AKAP5: variants seen among roughly 807,000 people sequenced by gnomAD.
AKAP5 encodes the protein A-kinase anchor protein 5.
AKAP5 carries 5 observed loss-of-function variants against 13.8 expected under a neutral mutation model. The observed-to-expected ratio is 0.36, with a 90% confidence interval of 0.19 to 0.76. AKAP5 has a LOEUF of 0.76. Among genes scored for constraint, AKAP5 ranks in the 30% least tolerant of loss-of-function variants. AKAP5 has a pLI of 0.51. For synonymous variants in AKAP5, 148 were observed against 167.2 expected (o/e 0.89, Z 0.89); for missense variants, 406 against 484.4 (o/e 0.84, Z 1.52).
Position 64,474,252 on chromosome 14 carries a change from T to C in AKAP5, c.*4574T>C, listed in dbSNP as rs2078701086. On this transcript the variant is annotated 3_prime_UTR_variant, in exon 2 of 2. Transcript: ENST00000394718. Reference sequence around the variant, plus strand: ...GTGTTCCGTTTTTAAATAAACAGTATGCTTATTTTGATTTGTGACTAGGTG... The same window carrying C: ...GTGTTCCGTTTTTAAATAAACAGTACGCTTATTTTGATTTGTGACTAGGTG... 1 of 167,100 alleles carries C rather than the reference T, an allele frequency of 6.0e-6. No individual in the cohort carries two copies. Among genetic ancestry groups the C allele is most frequent in the African/African-American group, 2.4e-5 (1 of 41,464 alleles). The allele number at this position is 167,100 out of a possible 1,614,324, so 10.4% of individuals were successfully genotyped here.
At chr14:64,466,555 AT>A (rs937957841) in intron 1 of AKAP5, among the ~76,000 whole-genome samples, 67 of 152,348 alleles carry the variant, frequency 4.4e-4, no homozygotes, top group African/African-American at 1.5e-3. Flanking sequence ...TCACTGAAAC[AT>A]TGTGAGGAGA....
At position 64,468,953 on chromosome 14, in the gene AKAP5, T is replaced by C. The variant is rs2078639406; in HGVS notation, c.559T>C (p.Ser187Pro). The C allele has an allele frequency of 6.2e-7, 1 of 1,614,216 alleles. No individual in the cohort carries two copies. Reference protein sequence around the residue: ...KSTQDLSEGISRKDGDEVCES... With the variant: ...KSTQDLSEGIPRKDGDEVCES... ...AACCCAGGATCTAAGTGAAGGCATC[T>C]CACGGAAAGATGGTGATGAGGTCTG... The change falls in exon 2 of 2, where the codon TCA (serine) becomes CCA (proline). Residue 187 changes from serine (S) to proline (P), a missense_variant. Ser to Pro is a moderately conservative substitution (Grantham distance 74, BLOSUM62 -1). Coordinates refer to ENST00000394718, the MANE Select transcript of AKAP5 (RefSeq NM_004857.3).
At position 64,468,666 on chromosome 14, in the gene AKAP5, G is replaced by T. The variant is rs1365704746; in HGVS notation, c.272G>T (p.Arg91Met). 5 of 1,613,878 alleles carry T rather than the reference G, an allele frequency of 3.1e-6. No homozygotes were observed. The highest frequency in any genetic ancestry group is 1.6e-4 in the Middle Eastern group (1 of 6,084). Residue 91 changes from arginine to methionine, a missense_variant, in exon 2 of 2, where the codon AGG (arginine) becomes ATG (methionine). Transcript: ENST00000394718. The part of the protein sequence containing the change: ...SLKRLVTRRK[R>M]SESSKQQKPL... ...AAACGTCTTGTAACACGCAGGAAAAGGTCAGAGTCTTCAAAGCAGCAAAAG... is the reference window on the plus strand; with the variant it reads ...AAACGTCTTGTAACACGCAGGAAAATGTCAGAGTCTTCAAAGCAGCAAAAG...
rs1233928311 is a variant in AKAP5 at position 64,471,524 on chromosome 14, T to C, written c.*1846T>C. 6.0e-6 allele frequency: 1 copy of C among 167,098 alleles called. No homozygotes were observed. Among genetic ancestry groups the C allele is most frequent in the South Asian group, 2.1e-4 (1 of 4,826 alleles). The allele number at this position is 167,098 out of a possible 1,614,324, so 10.4% of individuals were successfully genotyped here. ...CTTATTTGCATTTTTATTTACATATTGAAAGGGAAGCATCTGATCTCATCA... is the reference window on the plus strand; with the variant it reads ...CTTATTTGCATTTTTATTTACATATCGAAAGGGAAGCATCTGATCTCATCA... On this transcript the variant is annotated 3_prime_UTR_variant, in exon 2 of 2. Coordinates refer to ENST00000394718, the MANE Select transcript of AKAP5 (RefSeq NM_004857.3).
In AKAP5 at chr14:64,468,171, G is replaced by A; in HGVS notation, c.-224G>A. On this transcript the variant is annotated 5_prime_UTR_variant, in exon 2 of 2. Transcript: ENST00000394718. ...AAAGCAAAAATTTATCCAAAGAAGG[G>A]CTTTCATCAAGAAATTAAAGAGAGA... The A allele has an allele frequency of 3.0e-6, 1 of 327,920 alleles. No homozygotes were observed. Among genetic ancestry groups the A allele is most frequent in the Non-Finnish European group, 5.6e-6 (1 of 180,070 alleles). The allele number at this position is 327,920 out of a possible 1,614,324, so 20.3% of individuals were successfully genotyped here. A position where few individuals can be genotyped will look rare whatever the true frequency, so the allele number is the denominator to read the frequency against.
intron 1 of AKAP5, chr14:64,467,109 T>A (rs2078620243): frequency 6.6e-6 from 1 of 152,238 alleles, no homozygotes; most frequent in South Asian, 2.1e-4. Context: ...TTTTTTAATT[T>A]TTTTACTAAT....
chr14:64,469,476 A>C lies in AKAP5; in HGVS notation c.1082A>C (p.Gln361Pro). Residue 361 changes from glutamine (Q) to proline (P), a missense_variant, in exon 2 of 2, where the codon CAA becomes CCA. Coordinates refer to ENST00000394718, the MANE Select transcript of AKAP5 (RefSeq NM_004857.3). ...ACAAAATCTAAAAATGTCCCTAAGC[A>C]ATTCTTAATTTCAGCTGAAAATGAG... ...DVTKSKNVPK[Q>P]FLISAENEQV... 1 of 1,613,162 alleles carries C rather than the reference A, an allele frequency of 6.2e-7. No homozygotes were observed. Among genetic ancestry groups the C allele is most frequent in the Non-Finnish European group, 8.5e-7 (1 of 1,179,784 alleles).
At position 64,468,366 on chromosome 14, in the gene AKAP5, T is replaced by G. The variant is rs988068667; in HGVS notation, c.-29T>G. The G allele has an allele frequency of 6.5e-7, 1 of 1,550,038 alleles. No individual in the cohort carries two copies. Among genetic ancestry groups the G allele is most frequent in the Admixed American group, 2.1e-5 (1 of 47,646 alleles). On this transcript the variant is annotated 5_prime_UTR_variant, in exon 2 of 2. Transcript: ENST00000394718. ...GCTGCTAAGGAAGAGAGAATACAGT[T>G]TTCTAGAGAATAAGAGTGCAGTGTA...
At position 64,470,659 on chromosome 14, in the gene AKAP5, A is replaced by G. The variant is rs1156381913; in HGVS notation, c.*981A>G. On this transcript the variant is annotated 3_prime_UTR_variant, in exon 2 of 2. Transcript: ENST00000394718. ...ATCAGGCAAATTGTTACTAAGTGCA[A>G]AAGTGTAGAAACAGGGAGAGTGGGT... The G allele has an allele frequency of 6.0e-6, 1 of 166,784 alleles. No homozygotes were observed. Among genetic ancestry groups the G allele is most frequent in the Non-Finnish European group, 1.5e-5 (1 of 68,138 alleles). 10.3% of individuals were successfully genotyped at this position (166,784 alleles called of 1,614,324 possible).
In AKAP5 at chr14:64,468,654, C is replaced by T; in HGVS notation, c.260C>T (p.Thr87Ile). 6.2e-7 allele frequency: 1 copy of T among 1,613,970 alleles called. No individual in the cohort carries two copies. Among genetic ancestry groups the T allele is most frequent in the East Asian group, 2.2e-5 (1 of 44,888 alleles). The stretch of plus-strand genomic sequence containing the variant: ...TGGGCCTCACTCAAACGTCTTGTAA[C>T]ACGCAGGAAAAGGTCAGAGTCTTCA... Reference protein sequence around the residue: ...GAWASLKRLVTRRKRSESSKQ... With the variant: ...GAWASLKRLVIRRKRSESSKQ... Residue 87 changes from threonine to isoleucine, a missense_variant, in exon 2 of 2, where the codon ACA becomes ATA. Physicochemically the swap from Thr to Ile is moderately conservative, Grantham distance 89 (BLOSUM62 -1). Transcript: ENST00000394718.
Position 64,468,811 on chromosome 14 carries a change from T to A in AKAP5, c.417T>A (p.Ser139Arg). The change falls in exon 2 of 2, where the codon AGT becomes AGA. Residue 139 changes from serine (S) to arginine (R), a missense_variant. Ser to Arg is a moderately radical substitution (Grantham distance 110, BLOSUM62 -1). Coordinates refer to ENST00000394718, the MANE Select transcript of AKAP5 (RefSeq NM_004857.3). ...CIKFPRGPKR[S>R]NHSKIIEDSD... Reference sequence around the variant, plus strand: ...AATTCCCAAGAGGGCCAAAAAGGAGTAATCATTCCAAAATTATAGAAGACT... The same window carrying A: ...AATTCCCAAGAGGGCCAAAAAGGAGAAATCATTCCAAAATTATAGAAGACT... 6.2e-7 allele frequency: 1 copy of A among 1,614,042 alleles called. No individual in the cohort carries two copies. Among genetic ancestry groups the A allele is most frequent in the African/African-American group, 1.3e-5 (1 of 75,022 alleles).
Position 64,469,161 on chromosome 14 carries a change from A to G in AKAP5, c.767A>G (p.Asp256Gly). ...QASPLETSET[D>G]HQQPVLSDVP... ...AGCCCACTTGAAACTTCAGAAACAGACCATCAGCAGCCAGTACTTTCTGAT... is the reference window on the plus strand; with the variant it reads ...AGCCCACTTGAAACTTCAGAAACAGGCCATCAGCAGCCAGTACTTTCTGAT... The change falls in exon 2 of 2, where the codon GAC becomes GGC. Residue 256 changes from aspartate to glycine, a missense_variant. Physicochemically the swap from Asp to Gly is moderately conservative, Grantham distance 94 (BLOSUM62 -1). Transcript: ENST00000394718. 1 of 1,614,136 alleles carries G rather than the reference A, an allele frequency of 6.2e-7. No individual in the cohort carries two copies. Among genetic ancestry groups the G allele is most frequent in the Non-Finnish European group, 8.5e-7 (1 of 1,180,024 alleles).
chr14:64,469,721 G>A lies in AKAP5; in HGVS notation c.*43G>A. The A allele has an allele frequency of 7.7e-6, 8 of 1,032,446 alleles. No individual in the cohort carries two copies. The highest frequency in any genetic ancestry group is 1.1e-5 in the Non-Finnish European group (8 of 715,488). The allele number at this position is 1,032,446 out of a possible 1,614,324, so 64.0% of individuals were successfully genotyped here. On this transcript the variant is annotated 3_prime_UTR_variant, in exon 2 of 2. Transcript: ENST00000394718. ...CGGCAGAAAAAACAAGCTTAATGAA[G>A]AATTCTTTTATACATTTGTGGCATT...
Position 64,468,883 on chromosome 14 carries a change from A to G in AKAP5, c.489A>G (p.Ile163Met). The G allele has an allele frequency of 5.6e-6, 9 of 1,614,186 alleles. No individual in the cohort carries two copies. Among genetic ancestry groups the G allele is most frequent in the South Asian group, 1.1e-5 (1 of 91,088 alleles). ...AGGAAGAAGCTGAAATTTTGGATATACAAACACAGACCCCATTGAATGATC... is the reference window on the plus strand; with the variant it reads ...AGGAAGAAGCTGAAATTTTGGATATGCAAACACAGACCCCATTGAATGATC... ...KVQEEAEILD[I>M]QTQTPLNDQA... The change falls in exon 2 of 2, where the codon ATA becomes ATG. Residue 163 changes from isoleucine (I) to methionine (M), a missense_variant. Physicochemically the swap from Ile to Met is conservative, Grantham distance 10. Transcript: ENST00000394718.
intron 1 of AKAP5, among the ~76,000 whole-genome samples, 183 bp downstream of exon 1, chr14:64,465,796 A>G (rs553670417): frequency 3.3e-5 from 5 of 152,298 alleles, no homozygotes; most frequent in Non-Finnish European, 5.9e-5. Context: ...GGCGACCCTC[A>G]TCAGGTCTGC....
At position 64,473,700 on chromosome 14, in the gene AKAP5, A is replaced by G. The variant is rs747117035; in HGVS notation, c.*4022A>G. 5 of 167,024 alleles carry G rather than the reference A, an allele frequency of 3.0e-5. No individual in the cohort carries two copies. Among genetic ancestry groups the G allele is most frequent in the African/African-American group, 7.2e-5 (3 of 41,462 alleles). 10.3% of individuals were successfully genotyped at this position (167,024 alleles called of 1,614,324 possible). On this transcript the variant is annotated 3_prime_UTR_variant, in exon 2 of 2. Coordinates refer to ENST00000394718, the MANE Select transcript of AKAP5 (RefSeq NM_004857.3). ...AAAAGATCCTTTTAATGTCAACTTT[A>G]TTGAAATATGTAGTCTACTTTCTAA...
rs996198247 is a variant in AKAP5 at position 64,468,192 on chromosome 14, A to G, written c.-203A>G. Reference sequence around the variant, plus strand: ...AAGGGCTTTCATCAAGAAATTAAAGAGAGAAATTACAAGCCATAGAGAAAC... The same window carrying G: ...AAGGGCTTTCATCAAGAAATTAAAGGGAGAAATTACAAGCCATAGAGAAAC... On this transcript the variant is annotated 5_prime_UTR_variant, in exon 2 of 2. Transcript: ENST00000394718. 8.2e-5 allele frequency: 31 copies of G among 378,510 alleles called. No individual in the cohort carries two copies. Among genetic ancestry groups the G allele is most frequent in the Middle Eastern group, 7.5e-4 (1 of 1,330 alleles). 23.4% of individuals were successfully genotyped at this position (378,510 alleles called of 1,614,324 possible).
chr14:64,468,335 CA>C lies in AKAP5; in HGVS notation c.-56del. On this transcript the variant is annotated 5_prime_UTR_variant, in exon 2 of 2. Coordinates refer to ENST00000394718, the MANE Select transcript of AKAP5 (RefSeq NM_004857.3). ...GACATTTTTGCTCATCTTTTTGTCA[CA>C]AAAGGCTGCTAAGGAAGAGAGAATA... 5 of 1,465,702 alleles carry C rather than the reference CA, an allele frequency of 3.4e-6. No individual in the cohort carries two copies. The highest frequency in any genetic ancestry group is 4.6e-6 in the Non-Finnish European group (5 of 1,098,856). 90.8% of individuals were successfully genotyped at this position (1,465,702 alleles called of 1,614,324 possible).
chr14:64,467,088 C>T (rs1449725337), intron 1 of AKAP5: 2 of 152,178 alleles, frequency 1.3e-5, no homozygotes, highest in Admixed American at 6.5e-5. Flanking sequence ...GGTTAAATGA[C>T]CATTAATCAA....
Sources: allele counts gnomAD v4.1 joint callset (sites outside exome capture counted in the v4.1 genomes callset), GRCh38; gene constraint gnomAD v4.1.1; transcripts MANE v1.5; gene names NCBI Gene and HGNC (gene_info 2026-07-23, HGNC 2026-07-21).